Variants in PLD1 observed in about 807,000 individuals in gnomAD.
The protein encoded by PLD1 is choline phosphatase 1.
In PLD1, 112 loss-of-function variants were observed where a neutral mutation model predicts 137.1. The ratio of observed to expected loss-of-function variants is 0.82; its 90% CI spans 0.70 to 0.96. PLD1 has a LOEUF of 0.96. Among genes scored for constraint, PLD1 ranks in the 40% least tolerant of loss-of-function variants. The probability of loss-of-function intolerance (pLI) is 0.00; values close to 1 mark genes in which losing one functional copy is unlikely to be tolerated. For synonymous variants in PLD1, 431 were observed against 454.7 expected, an observed-to-expected ratio of 0.95 and a Z score of 0.66; for missense variants, 1,321 against 1,342.0, an observed-to-expected ratio of 0.98 and a Z score of 0.24.
chr3:171,769,830 A>G (rs1722216108), intron 1 of PLD1, among the ~76,000 whole-genome samples: 1 of 152,188 alleles, frequency 6.6e-6, no homozygotes, highest in African/African-American at 2.4e-5. Context: ...CCTTTCTAAT[A>G]CACTGTATTT....
chr3:171,716,345 G>A (rs1241154488), intron 8 of PLD1, among the ~76,000 whole-genome samples: 3 of 152,092 alleles, frequency 2.0e-5, no homozygotes, highest in Admixed American at 6.6e-5. Context: ...ACTAATTTAC[G>A]CTCCAACCAG....
intron 6 of PLD1, among the ~76,000 whole-genome samples, chr3:171,732,030 T>C (rs1267641117): frequency 1.3e-5 from 2 of 152,154 alleles, no homozygotes; most frequent in Non-Finnish European, 2.9e-5. Flanking sequence ...CAAGAATGGT[T>C]ACAGCCAAAA....
intron 1 of PLD1, among the ~76,000 whole-genome samples, chr3:171,764,586 C>T (rs1246260688): frequency 6.6e-6 from 1 of 151,858 alleles, no homozygotes; most frequent in Non-Finnish European, 1.5e-5. Flanking sequence ...GAGTTAGACA[C>T]TCCAGAGGCC....
intron 1 of PLD1, among the ~76,000 whole-genome samples, chr3:171,804,302 C>T (rs1016726247): frequency 2.0e-5 from 3 of 151,586 alleles, no homozygotes; most frequent in Non-Finnish European, 2.9e-5. Flanking sequence ...CCCAAAATGC[C>T]ACAGACTGTC....
chr3:171,725,678 A>C (rs933081828), intron 7 of PLD1, among the ~76,000 whole-genome samples: 3 of 152,248 alleles, frequency 2.0e-5, no homozygotes, highest in African/African-American at 7.2e-5. Context: ...GTAAACATTT[A>C]ACTTTATAAG....
At chr3:171,625,693 C>T (rs1734042277) in intron 23 of PLD1, among the ~76,000 whole-genome samples, 1 of 152,178 alleles carries the variant, frequency 6.6e-6, no homozygotes, top group Admixed American at 6.5e-5. Flanking sequence ...TCGCGGTTCA[C>T]AAAAATCCAC....
In PLD1 at chr3:171,733,451, T is replaced by C. The variant is rs749304975; in HGVS notation, c.599A>G (p.His200Arg). Reference sequence around the variant, plus strand: ...TCACTGACTAGTACTTACTGTGGCATGATAGTTTCTATACATGGGCATTTT... The same window carrying C: ...TCACTGACTAGTACTTACTGTGGCACGATAGTTTCTATACATGGGCATTTT... ...ILKMPMYRNY[H>R]ATTEFLDISQ... The change falls in exon 6 of 27, where the codon CAT becomes CGT. Residue 200 changes from histidine to arginine, a missense_variant. His to Arg is a conservative substitution (Grantham distance 29). Coordinates refer to ENST00000351298, the MANE Select transcript of PLD1 (RefSeq NM_002662.5). 7.9e-6 allele frequency: 10 copies of C among 1,258,382 alleles called. No homozygotes were observed. The highest frequency in any genetic ancestry group is 8.1e-6 in the Non-Finnish European group (7 of 862,478). 78.0% of individuals were successfully genotyped at this position (1,258,382 alleles called of 1,614,324 possible). A position where few individuals can be genotyped will look rare whatever the true frequency, so the allele number is the denominator to read the frequency against.
Position 171,602,735 on chromosome 3 carries a change from C to A in PLD1, c.*343G>T. 3.8e-6 allele frequency: 1 copy of A among 264,728 alleles called. No individual in the cohort carries two copies. Among genetic ancestry groups the A allele is most frequent in the Admixed American group, 4.9e-5 (1 of 20,318 alleles). The allele number at this position is 264,728 out of a possible 1,614,324, so 16.4% of individuals were successfully genotyped here. A position where few individuals can be genotyped will look rare whatever the true frequency, so the allele number is the denominator to read the frequency against. On this transcript the variant is annotated 3_prime_UTR_variant, in exon 27 of 27. Transcript: ENST00000351298. ...TCAGAGAAGAATAAGGAGATTCAGA[C>A]AACTTTTGGCAACCTAGATCACAGT... is the stretch of plus-strand genomic sequence containing the variant.
chr3:171,706,831 A>C (rs1410228213), intron 11 of PLD1, among the ~76,000 whole-genome samples: 1 of 152,248 alleles, frequency 6.6e-6, no homozygotes, highest in Non-Finnish European at 1.5e-5. Context: ...CGTGAAAAAT[A>C]AGTAACCCCG....
At position 171,743,965 on chromosome 3, in the gene PLD1, A is replaced by G. The variant is rs535462528; in HGVS notation, c.-31-5883T>C. On this transcript the variant is annotated intron_variant, in intron 1 of 26. Coordinates refer to ENST00000351298, the MANE Select transcript of PLD1 (RefSeq NM_002662.5). ...CCAGGTTATTCAGTAAATGACACAA[A>G]GAGATATTATTTTCCCTCGCATACC... is the stretch of plus-strand genomic sequence containing the variant. Among the ~76,000 whole-genome samples, 9 of 152,340 alleles carry G rather than the reference A, an allele frequency of 5.9e-5. No homozygotes were observed. The South Asian group carries it at 1.9e-3, about 32-fold the overall frequency.
chr3:171,786,027 C>A (rs1400980175), intron 1 of PLD1, among the ~76,000 whole-genome samples: 1 of 152,194 alleles, frequency 6.6e-6, no homozygotes, highest in Non-Finnish European at 1.5e-5. Flanking sequence ...ATGCAGTAGG[C>A]CCTCAATAAA....
At chr3:171,787,179 T>G (rs1723041740) in intron 1 of PLD1, among the ~76,000 whole-genome samples, 1 of 152,140 alleles carries the variant, frequency 6.6e-6, no homozygotes, top group African/African-American at 2.4e-5. Flanking sequence ...CTTGTCCACC[T>G]CTGGGCCCCT....
intron 11 of PLD1, 145 bp from the exon 12 acceptor site, chr3:171,699,971 T>C (rs1716095789): frequency 3.0e-6 from 2 of 666,608 alleles, no homozygotes; most frequent in African/African-American, 3.6e-5. Context: ...TTACTATGAG[T>C]CTAGGAACAA....
At chr3:171,678,944 T>C (rs2108488235) in intron 16 of PLD1, among the ~76,000 whole-genome samples, 1 of 152,236 alleles carries the variant, frequency 6.6e-6, no homozygotes. Context: ...CCTCTTGGCC[T>C]GATATCCTAA....
intron 11 of PLD1, among the ~76,000 whole-genome samples, chr3:171,703,892 C>A (rs1368483864): frequency 6.6e-6 from 1 of 152,164 alleles, no homozygotes; most frequent in African/African-American, 2.4e-5. Context: ...TTACTAAAAC[C>A]TCTGAGGCAG....
chr3:171,650,274 G>A (rs1349694816), intron 21 of PLD1, among the ~76,000 whole-genome samples: 1 of 152,194 alleles, frequency 6.6e-6, no homozygotes, highest in African/African-American at 2.4e-5. Flanking sequence ...TCTTTTCAAT[G>A]TGAGGATATG....
intron 1 of PLD1, among the ~76,000 whole-genome samples, chr3:171,803,160 T>C (rs960635934): frequency 3.3e-5 from 5 of 152,174 alleles, no homozygotes; most frequent in African/African-American, 1.2e-4. Flanking sequence ...GAGAATTCTA[T>C]CTCTACAAAA....
intron 16 of PLD1, among the ~76,000 whole-genome samples, chr3:171,681,612 A>T (rs186533359): frequency 7.9e-4 from 120 of 152,314 alleles, no homozygotes; most frequent in African/African-American, 2.9e-3. Context: ...GGTTTTCAAA[A>T]TTTTTTGGAA....
At chr3:171,629,949 A>C (rs1423934307) in intron 23 of PLD1, among the ~76,000 whole-genome samples, 1 of 152,240 alleles carries the variant, frequency 6.6e-6, no homozygotes, top group Non-Finnish European at 1.5e-5. Flanking sequence ...GGACATAGGT[A>C]TGGGCAAGGA....
Sources: gnomAD v4.1 joint callset for allele counts (sites outside exome capture counted in the v4.1 genomes callset) on GRCh38, gnomAD v4.1.1 for gene constraint, MANE v1.5 for transcripts, NCBI Gene and HGNC (gene_info 2026-07-23, HGNC 2026-07-21) for gene names.